The following WWOX variants were observed in gnomAD, a reference collection of about 807,000 sequenced individuals.
WWOX encodes the protein WW domain-containing oxidoreductase.
A neutral mutation model predicts 46.2 loss-of-function variants in WWOX; 69 were observed. The observed-to-expected ratio is 1.49, with a 90% CI of 1.23 to 1.82. The LOEUF (loss-of-function observed/expected upper bound fraction) is 1.82. WWOX is among the 40% of genes most tolerant of loss of function. The probability of loss-of-function intolerance (pLI) is 0.00; values close to 1 mark genes in which losing one functional copy is unlikely to be tolerated. For synonymous variants in WWOX, 359 were observed against 202.6 expected (o/e 1.77, Z -6.56); for missense variants, 919 against 542.6 (o/e 1.69, Z -6.89).
intron 8 of WWOX, among the ~76,000 whole-genome samples, chr16:78,719,589 G>C (rs1567513614): frequency 6.6e-6 from 1 of 152,176 alleles, no homozygotes; most frequent in Non-Finnish European, 1.5e-5. Context: ...AAAGAAAAGA[G>C]ACCCCTCAAT....
Position 78,284,790 on chromosome 16 carries a change from T to A in WWOX, c.517-102070T>A, listed in dbSNP as rs190088786. Among the ~76,000 whole-genome samples, 668 of 152,348 alleles carry A rather than the reference T, an allele frequency of 4.4e-3. 10 individuals carry two copies. The highest frequency in any genetic ancestry group is 0.015 in the African/African-American group (642 of 41,588). ...TAAAGAAAAGGGTTGGCTTAAGAGT[T>A]GACTTACAAAGCTTGGTCCTAACAG... is the stretch of plus-strand genomic sequence containing the variant. On this transcript the variant is annotated intron_variant, in intron 5 of 8. Coordinates refer to ENST00000566780, the MANE Select transcript of WWOX (RefSeq NM_016373.4).
chr16:79,033,202 A>ATT (rs1555515271), intron 8 of WWOX, among the ~76,000 whole-genome samples: 44 of 133,956 alleles, frequency 3.3e-4, no homozygotes, highest in Admixed American at 2.8e-3. Context: ...ATATATAAAT[A>ATT]TGTGTATATA....
chr16:79,145,354 TC>T (rs1184141441), intron 8 of WWOX, among the ~76,000 whole-genome samples: 2 of 151,966 alleles, frequency 1.3e-5, no homozygotes, highest in Non-Finnish European at 2.9e-5. Flanking sequence ...TTCAGTAGAG[TC>T]AAGGATTTTT....
At chr16:78,115,408 A>G (rs1377830127) in intron 4 of WWOX, among the ~76,000 whole-genome samples, 3 of 152,212 alleles carry the variant, frequency 2.0e-5, no homozygotes, top group Non-Finnish European at 4.4e-5. Flanking sequence ...GTATTCAGGG[A>G]TGAGAGACAA....
chr16:78,459,705 A>C (rs1323464001), intron 8 of WWOX, among the ~76,000 whole-genome samples: 1 of 152,216 alleles, frequency 6.6e-6, no homozygotes, highest in African/African-American at 2.4e-5. Flanking sequence ...AATGCAGTTA[A>C]GTATTTAAAA....
chr16:78,686,777 C>G (rs1317583326), intron 8 of WWOX, among the ~76,000 whole-genome samples: 1 of 152,212 alleles, frequency 6.6e-6, no homozygotes. Context: ...CTGTAGCTAT[C>G]TAACAGAGAC....
intron 8 of WWOX, among the ~76,000 whole-genome samples, chr16:79,141,650 T>C (rs1318078759): frequency 6.6e-6 from 1 of 152,232 alleles, no homozygotes; most frequent in Non-Finnish European, 1.5e-5. Context: ...TGACAGTTTC[T>C]TGTTCATATT....
chr16:79,088,451 A>G (rs1567541538), intron 8 of WWOX, among the ~76,000 whole-genome samples: 1 of 152,200 alleles, frequency 6.6e-6, no homozygotes, highest in Non-Finnish European at 1.5e-5. Flanking sequence ...CAGCCTGATG[A>G]GCACAGGTGA....
At chr16:78,354,232 C>A (rs1567519107) in intron 5 of WWOX, among the ~76,000 whole-genome samples, 2 of 151,934 alleles carry the variant, frequency 1.3e-5, no homozygotes, top group Admixed American at 6.6e-5. Context: ...CCCAGCACCC[C>A]CCCACCCCTG....
intron 8 of WWOX, among the ~76,000 whole-genome samples, chr16:79,173,336 G>T (rs1016951608): frequency 6.6e-6 from 1 of 152,130 alleles, no homozygotes; most frequent in African/African-American, 2.4e-5. Context: ...CACTTTGTAT[G>T]TTTGGGGTAC....
intron 5 of WWOX, among the ~76,000 whole-genome samples, chr16:78,188,040 G>A (rs114140190): frequency 4.8e-4 from 73 of 152,226 alleles, no homozygotes; most frequent in African/African-American, 1.7e-3. Context: ...GAGAACTTGG[G>A]ATTGTGTGGT....
At chr16:78,679,289 G>A (rs1041750710) in intron 8 of WWOX, among the ~76,000 whole-genome samples, 5 of 152,182 alleles carry the variant, frequency 3.3e-5, no homozygotes, top group African/African-American at 1.2e-4. Context: ...AGTGGGTTGC[G>A]CCTGTAATCC....
intron 8 of WWOX, among the ~76,000 whole-genome samples, chr16:78,758,072 A>G (rs2049700291): frequency 6.6e-6 from 1 of 152,170 alleles, no homozygotes. Flanking sequence ...TAATATTTAA[A>G]ATATTGAAGA....
Position 79,153,962 on chromosome 16 carries a change from G to A in WWOX, c.1057-57646G>A, listed in dbSNP as rs868130015. ...TCCACAATTTCTTGTCCTGCCTCCCGTGATGCTAGCCATGGATGCACCCCA... is the reference window on the plus strand; with the variant it reads ...TCCACAATTTCTTGTCCTGCCTCCCATGATGCTAGCCATGGATGCACCCCA... On this transcript the variant is annotated intron_variant, in intron 8 of 8. Coordinates refer to ENST00000566780, the MANE Select transcript of WWOX (RefSeq NM_016373.4). Among the ~76,000 whole-genome samples the A allele has an allele frequency of 7.2e-5, 11 of 152,230 alleles. No homozygotes were observed. In the Middle Eastern group the frequency reaches 0.01, roughly 141 times the overall value.
chr16:79,098,497 C>T (rs1187859366), intron 8 of WWOX, among the ~76,000 whole-genome samples: 1 of 152,256 alleles, frequency 6.6e-6, no homozygotes, highest in Admixed American at 6.5e-5. Context: ...GAATCTTCTT[C>T]ACCCCTTCCC....
intron 8 of WWOX, among the ~76,000 whole-genome samples, chr16:78,440,958 T>C (rs143255186): frequency 6.6e-6 from 1 of 152,068 alleles, no homozygotes. Flanking sequence ...TTTTCTTTTT[T>C]TTGAGATGAA....
chr16:78,396,991 C>G (rs1030399443), intron 6 of WWOX, among the ~76,000 whole-genome samples: 2 of 152,150 alleles, frequency 1.3e-5, no homozygotes, highest in African/African-American at 4.8e-5. Context: ...TACTAGCACC[C>G]TTTTTCATCA....
intron 8 of WWOX, among the ~76,000 whole-genome samples, chr16:79,145,893 C>A (rs565887379): frequency 6.6e-6 from 1 of 152,104 alleles, no homozygotes; most frequent in African/African-American, 2.4e-5. Context: ...TGATCAAATA[C>A]CTGTATTAAA....
At chr16:78,901,780 C>T (rs117815759) in intron 8 of WWOX, among the ~76,000 whole-genome samples, 1,661 of 152,346 alleles carry the variant, frequency 0.011, 18 homozygotes, top group Non-Finnish European at 0.017. Flanking sequence ...TGAGCCACTG[C>T]GCCTAGCGAG....
Sources: allele counts gnomAD v4.1 joint callset (sites outside exome capture counted in the v4.1 genomes callset), GRCh38; gene constraint gnomAD v4.1.1; transcripts MANE v1.5; gene names NCBI Gene and HGNC (gene_info 2026-07-23, HGNC 2026-07-21).